Variants in SOX5 observed in about 807,000 individuals in gnomAD.
The protein encoded by SOX5 is SRY-box transcription factor 5.
A neutral mutation model predicts 92.0 loss-of-function variants in SOX5; 9 were observed. The ratio of observed to expected loss-of-function variants is 0.10; its 90% CI spans 0.06 to 0.17. The LOEUF is 0.17. Ranked by LOEUF, SOX5 falls within the 10% of genes least tolerant of loss-of-function variation. The probability of loss-of-function intolerance (pLI) is 1.00; values close to 1 mark genes in which losing one functional copy is unlikely to be tolerated. For missense variants in SOX5, 642 were observed against 944.5 expected (o/e 0.68, Z 4.20); for synonymous variants, 344 against 336.3 (o/e 1.02, Z -0.25).
At chr12:24,534,340 G>A (rs756149586) in intron 1 of SOX5, among the ~76,000 whole-genome samples, 2 of 151,550 alleles carry the variant, frequency 1.3e-5, no homozygotes, top group Non-Finnish European at 2.9e-5. Context: ...CTTAGACCAT[G>A]GTGGTAGAAA....
intron 1 of SOX5, among the ~76,000 whole-genome samples, chr12:23,902,064 A>G (rs1021512177): frequency 6.6e-6 from 1 of 152,202 alleles, no homozygotes; most frequent in Non-Finnish European, 1.5e-5. Flanking sequence ...GTAAAAGATT[A>G]TAAGAGTTAA....
chr12:23,750,214 ATAAT>A (rs1344735835), intron 4 of SOX5, among the ~76,000 whole-genome samples: 2 of 151,976 alleles, frequency 1.3e-5, no homozygotes, highest in Admixed American at 6.6e-5. Flanking sequence ...GTGGTGTCTG[ATAAT>A]TAATTTCTGA....
At chr12:23,558,753 C>T (rs1165645749) in intron 11 of SOX5, among the ~76,000 whole-genome samples, 2 of 152,192 alleles carry the variant, frequency 1.3e-5, no homozygotes, top group African/African-American at 4.8e-5. Flanking sequence ...CAGGCTTGCG[C>T]CACCACACCT....
chr12:23,908,326 T>C (rs2097314701), intron 1 of SOX5, among the ~76,000 whole-genome samples: 1 of 151,960 alleles, frequency 6.6e-6, no homozygotes, highest in Admixed American at 6.6e-5. Flanking sequence ...CAGCATCAGA[T>C]TTGTTGAAAA....
intron 4 of SOX5, among the ~76,000 whole-genome samples, chr12:23,981,150 T>C (rs1949534591): frequency 6.6e-6 from 1 of 152,096 alleles, no homozygotes; most frequent in Non-Finnish European, 1.5e-5. Context: ...TGCTACTAGA[T>C]CTAATTCCAC....
intron 4 of SOX5, among the ~76,000 whole-genome samples, chr12:23,979,913 C>CAGACAGACAGA (rs1555459467): frequency 3.2e-5 from 4 of 124,182 alleles, no homozygotes; most frequent in African/African-American, 1.2e-4. Flanking sequence ...GGCTGGCTGG[C>CAGACAGACAGA]CAGACAGACA....
intron 6 of SOX5, among the ~76,000 whole-genome samples, chr12:23,691,678 CAT>C (rs2088844775): frequency 6.6e-6 from 1 of 151,938 alleles, no homozygotes; most frequent in Admixed American, 6.6e-5. Flanking sequence ...TCAGTTCTAT[CAT>C]ATTTTAAATG....
Position 23,534,130 on chromosome 12 carries a change from T to G in SOX5, c.*89A>C. 3.1e-4 allele frequency: 320 copies of G among 1,041,468 alleles called. No individual in the cohort carries two copies. The highest frequency in any genetic ancestry group is 4.3e-4 in the Non-Finnish European group (293 of 689,000). 64.5% of individuals were successfully genotyped at this position (1,041,468 alleles called of 1,614,324 possible). ...AACAGTTAAAGTAACAGTCAGTGTA[T>G]GAGAAAGTTAATGTGCTTGGCCACT... On this transcript the variant is annotated 3_prime_UTR_variant, in exon 15 of 15. Transcript: ENST00000451604.
intron 4 of SOX5, among the ~76,000 whole-genome samples, chr12:24,160,302 G>A (rs1952620622): frequency 1.3e-5 from 2 of 151,930 alleles, no homozygotes; most frequent in Admixed American, 6.6e-5. Context: ...ATATATAGAA[G>A]AAAAAGAATC....
In SOX5 at chr12:23,772,375, T is replaced by C. The variant is rs575046915; in HGVS notation, c.482-16651A>G. 5.0e-4 allele frequency among the ~76,000 whole-genome samples: 76 copies of C among 152,348 alleles called. 1 individual carries two copies. The highest frequency in any genetic ancestry group is 1.8e-3 in the African/African-American group (75 of 41,586). On this transcript the variant is annotated intron_variant, in intron 3 of 14. Transcript: ENST00000451604. ...GAAACATGATATCCAATGGATTATA[T>C]GAAAAGTACACCAACATTAAATAAC...
intron 3 of SOX5, among the ~76,000 whole-genome samples, chr12:23,823,783 T>A (rs35252722): frequency 0.11 from 16,980 of 152,244 alleles, 1,120 homozygotes; most frequent in Non-Finnish European, 0.15. Context: ...TTTCACATAG[T>A]CCCATATTTC....
intron 4 of SOX5, among the ~76,000 whole-genome samples, chr12:24,118,018 C>CAAAAAAAAAA: frequency 2.4e-5 from 1 of 41,820 alleles, no homozygotes; most frequent in Non-Finnish European, 5.4e-5. Context: ...GACTCTCATT[C>CAAAAAAAAAA]AAAAAAAAAA....
rs527647441 is a variant in SOX5, at chr12:24,049,638, G to GTT, written c.-1-153616_-1-153615dup. On this transcript the variant is annotated intron_variant, in intron 4 of 4. Coordinates refer to the SOX5 transcript ENST00000446891. ...TGTTGATATTTTCCAATCCTTCATAGTTTTTTTTTTTTTTTTTTTTTTTTT... is the reference window on the plus strand; with the variant it reads ...TGTTGATATTTTCCAATCCTTCATAGTTTTTTTTTTTTTTTTTTTTTTTTTTT... 4.2e-3 allele frequency among the ~76,000 whole-genome samples: 311 copies of GTT among 73,754 alleles called. 21 individuals are homozygous for GTT. The highest frequency in any genetic ancestry group is 0.016 in the African/African-American group (270 of 16,832). 48.4% of individuals were successfully genotyped at this position (73,754 alleles called of 152,430 possible).
chr12:24,127,098 C>G (rs1375140894), intron 4 of SOX5, among the ~76,000 whole-genome samples: 2 of 151,836 alleles, frequency 1.3e-5, no homozygotes, highest in Non-Finnish European at 2.9e-5. Flanking sequence ...TATAGTAAAA[C>G]AAGTTGATGC....
At chr12:24,396,272 C>T (rs533665631) in intron 1 of SOX5, among the ~76,000 whole-genome samples, 1 of 152,250 alleles carries the variant, frequency 6.6e-6, no homozygotes, top group South Asian at 2.1e-4. Context: ...CTTCATTGTA[C>T]CCTGTGTCTT....
intron 4 of SOX5, among the ~76,000 whole-genome samples, chr12:24,134,077 T>A (rs528901314): frequency 1.1e-4 from 16 of 152,270 alleles, no homozygotes; most frequent in African/African-American, 2.2e-4. Flanking sequence ...TTTTTTTTTT[T>A]AAATTGTTGC....
At chr12:23,743,154 G>A (rs1276832313) in intron 4 of SOX5, among the ~76,000 whole-genome samples, 1 of 151,912 alleles carries the variant, frequency 6.6e-6, no homozygotes, top group Non-Finnish European at 1.5e-5. Context: ...TATAAAGCTA[G>A]GTTTAAAAGC....
intron 1 of SOX5, among the ~76,000 whole-genome samples, chr12:24,489,306 G>A (rs74068372): frequency 0.011 from 1,620 of 152,310 alleles, 20 homozygotes; most frequent in African/African-American, 0.036. Flanking sequence ...ATATTGGACT[G>A]AAGAGGGGGC....
chr12:24,292,610 CAA>C (rs1946743469), intron 2 of SOX5, among the ~76,000 whole-genome samples: 1 of 152,144 alleles, frequency 6.6e-6, no homozygotes, highest in Non-Finnish European at 1.5e-5. Context: ...CACAATTTCA[CAA>C]AGAGAATTTT....
Sources: allele counts gnomAD v4.1 joint callset (sites outside exome capture counted in the v4.1 genomes callset), GRCh38; gene constraint gnomAD v4.1.1; transcripts MANE v1.5; gene names NCBI Gene and HGNC (gene_info 2026-07-23, HGNC 2026-07-21).